The following DMTF1 variants were observed in gnomAD, a reference collection of about 807,000 sequenced individuals.
DMTF1 encodes the protein cyclin D binding myb like transcription factor 1.
In DMTF1, 39 loss-of-function variants were observed where a neutral mutation model predicts 91.1. The observed-to-expected ratio is 0.43, with a 90% CI of 0.33 to 0.56. The LOEUF (loss-of-function observed/expected upper bound fraction) is 0.56, where lower values mean the gene tolerates loss of function less well. Ranked by LOEUF, DMTF1 falls within the 20% of genes least tolerant of loss-of-function variation. DMTF1 has a pLI of 0.05. For synonymous variants in DMTF1, 338 were observed against 309.5 expected, an observed-to-expected ratio of 1.09 and a Z score of -0.97; for missense variants, 750 against 914.5, an observed-to-expected ratio of 0.82 and a Z score of 2.32.
At chr7:87,180,176 A>G (rs1055610926) in intron 8 of DMTF1, among the ~76,000 whole-genome samples, 3 of 152,186 alleles carry the variant, frequency 2.0e-5, no homozygotes, top group African/African-American at 4.8e-5. Context: ...AGATTCTTCA[A>G]ATGCAATGAT....
intron 5 of DMTF1, among the ~76,000 whole-genome samples, chr7:87,172,531 G>T (rs1489720006): frequency 1.3e-5 from 2 of 152,216 alleles, no homozygotes; most frequent in Non-Finnish European, 2.9e-5. Flanking sequence ...TTCCAAGAGA[G>T]ATGGGTTTCA....
In DMTF1 at chr7:87,171,647, A is replaced by G. The variant is rs145113204; in HGVS notation, c.327+558A>G. On this transcript the variant is annotated intron_variant, in intron 5 of 17. Transcript: ENST00000331242. The stretch of plus-strand genomic sequence containing the variant: ...TTTAATTTCTAAGCCTTATATATAC[A>G]TTATAGGCATGAAATCCTGCAACCA... 4.1e-3 allele frequency among the ~76,000 whole-genome samples: 624 copies of G among 152,316 alleles called. 3 individuals are homozygous for G. Among genetic ancestry groups the G allele is most frequent in the Non-Finnish European group, 6.3e-3 (428 of 68,018 alleles).
chr7:87,155,087 T>C (rs914433295), intron 1 of DMTF1, among the ~76,000 whole-genome samples: 7 of 152,228 alleles, frequency 4.6e-5, no homozygotes, highest in African/African-American at 1.4e-4. Flanking sequence ...CCTGTGAGGA[T>C]GAATGGGATA....
At chr7:87,155,685 A>G (rs1250760204) in intron 1 of DMTF1, 3 of 152,114 alleles carry the variant, frequency 2.0e-5, no homozygotes, top group African/African-American at 7.2e-5. Context: ...CTTTGATTCT[A>G]TAAAGGTAGA....
chr7:87,188,956 A>G (rs1799114193), intron 13 of DMTF1, among the ~76,000 whole-genome samples: 1 of 152,168 alleles, frequency 6.6e-6, no homozygotes, highest in Non-Finnish European at 1.5e-5. Context: ...TCAGAACCAT[A>G]TTCTTCCTTG....
intron 12 of DMTF1, 178 bp from the exon 13 acceptor site, chr7:87,187,914 A>C: frequency 1.7e-6 from 1 of 585,740 alleles, no homozygotes; most frequent in Non-Finnish European, 3.0e-6. Flanking sequence ...TACGATGTTT[A>C]TAAAAATCTC....
rs1795597547 is a variant in DMTF1 at position 87,173,632 on chromosome 7, A to T, written c.425A>T (p.Asp142Val). Residue 142 changes from aspartate (D) to valine (V), a missense_variant, in exon 6 of 18, where the codon GAT (aspartate) becomes GTT (valine). Physicochemically the swap from Asp to Val is radical, Grantham distance 152. This residue lies in a region of DMTF1 where 190 missense variants were observed against 343.8 expected (regional missense o/e 0.55). Transcript: ENST00000331242. ...TGGTTTACAACTAAAGAAGATAAGG[A>T]TTCTCTGACTAATAAAGGTAAGATA... ...QAWFTTKEDK[D>V]SLTNKGHKWK... The T allele has an allele frequency of 6.2e-7, 1 of 1,607,704 alleles. No individual in the cohort carries two copies. The highest frequency in any genetic ancestry group is 1.3e-5 in the African/African-American group (1 of 74,610).
rs888661245 is a variant in DMTF1, at chr7:87,188,313, A to G, written c.1411+12A>G. 2 of 1,613,282 alleles carry G rather than the reference A, an allele frequency of 1.2e-6. No homozygotes were observed. Among genetic ancestry groups the G allele is most frequent in the East Asian group, 4.5e-5 (2 of 44,868 alleles). The stretch of plus-strand genomic sequence containing the variant: ...GATCACCCATGTTTGTAAGTGTTTG[A>G]TCTTCAAGATTCCTTGCTGTTTGAT... On this transcript the variant is annotated intron_variant, in intron 13 of 17. Transcript: ENST00000331242.
chr7:87,170,116 G>A (rs1470838938), intron 4 of DMTF1, among the ~76,000 whole-genome samples: 1 of 151,958 alleles, frequency 6.6e-6, no homozygotes, highest in African/African-American at 2.4e-5. Flanking sequence ...CAGTAGTTTT[G>A]ATTTTTTTTA....
In DMTF1 at chr7:87,188,204, G is replaced by A. The variant is rs1374197048; in HGVS notation, c.1314G>A (p.Gln438=). 1.9e-6 allele frequency: 3 copies of A among 1,614,022 alleles called. No individual in the cohort carries two copies. The South Asian group carries it at 3.3e-5, about 18-fold the overall frequency. ...ACAGTAATACCAATTCCAGTGTGCA[G>A]CATGTTCAGATAAGAGTTGCCCGCT... is the stretch of plus-strand genomic sequence containing the variant. ...VPNSNTNSSV[Q]HVQIRVARLE... The change falls in exon 13 of 18, where the codon CAG becomes CAA. Residue 438 remains glutamine (Q), a synonymous_variant. Coordinates refer to ENST00000331242, the MANE Select transcript of DMTF1 (RefSeq NM_001142327.2).
Position 87,158,522 on chromosome 7 carries a change from A to T in DMTF1, c.-131-4973A>T, listed in dbSNP as rs183317038. Among the ~76,000 whole-genome samples the T allele has an allele frequency of 5.9e-5, 9 of 152,188 alleles. No individual in the cohort carries two copies. The East Asian group carries it at 1.7e-3, about 29-fold the overall frequency. ...TTCTAAAATTTATTCTTGAGTCATCAATGAGTTAAAACTTTAAGAGTTATA... is the reference window on the plus strand; with the variant it reads ...TTCTAAAATTTATTCTTGAGTCATCTATGAGTTAAAACTTTAAGAGTTATA... On this transcript the variant is annotated intron_variant, in intron 1 of 17. Coordinates refer to ENST00000331242, the MANE Select transcript of DMTF1 (RefSeq NM_001142327.2).
chr7:87,164,883 A>G, intron 2 of DMTF1, 51 bp from the exon 3 acceptor site: 3 of 1,093,370 alleles, frequency 2.7e-6, no homozygotes, highest in African/African-American at 1.6e-5. Flanking sequence ...GGAATACTTC[A>G]TATTTGGGAA....
intron 16 of DMTF1, 170 bp downstream of exon 16, chr7:87,194,272 C>G: frequency 1.5e-6 from 1 of 679,362 alleles, no homozygotes; most frequent in Non-Finnish European, 2.3e-6. Flanking sequence ...CTGTGGCAGT[C>G]AGGAAGAATA....
At position 87,194,621 on chromosome 7, in the gene DMTF1, C is replaced by A. The variant is rs555634777; in HGVS notation, c.2029-63C>A. ...TAAGTCTAACCTATACATACCTATACATGGGATTTTAAGGAAGACTAGTAA... is the reference window on the plus strand; with the variant it reads ...TAAGTCTAACCTATACATACCTATAAATGGGATTTTAAGGAAGACTAGTAA... On this transcript the variant is annotated intron_variant, in intron 16 of 17. Transcript: ENST00000331242. 1.4e-5 allele frequency: 17 copies of A among 1,256,666 alleles called. 1 individual carries two copies. The Admixed American group carries it at 3.0e-4, about 22-fold the overall frequency. 77.8% of individuals were successfully genotyped at this position (1,256,666 alleles called of 1,614,324 possible).
chr7:87,157,800 A>G (rs1032091182), intron 1 of DMTF1, among the ~76,000 whole-genome samples: 10 of 151,824 alleles, frequency 6.6e-5, no homozygotes, highest in African/African-American at 2.4e-4. Flanking sequence ...TAATGAAGAC[A>G]CAATAACTCC....
intron 1 of DMTF1, among the ~76,000 whole-genome samples, chr7:87,154,832 G>T (rs1379312466): frequency 6.6e-6 from 1 of 152,086 alleles, no homozygotes; most frequent in Non-Finnish European, 1.5e-5. Context: ...TGGGGAGATA[G>T]TGTATGTATT....
intron 4 of DMTF1, among the ~76,000 whole-genome samples, chr7:87,169,878 T>C (rs935779522): frequency 1.2e-4 from 18 of 152,216 alleles, no homozygotes; most frequent in African/African-American, 4.3e-4. Context: ...GTCCTTAGAC[T>C]GCTTCTTTGT....
intron 1 of DMTF1, among the ~76,000 whole-genome samples, chr7:87,156,616 T>C (rs1333402724): frequency 6.6e-6 from 1 of 152,174 alleles, no homozygotes; most frequent in South Asian, 2.1e-4. Context: ...TTTGTGCTTA[T>C]GAAGATGTTA....
intron 7 of DMTF1, among the ~76,000 whole-genome samples, chr7:87,176,395 T>A (rs908624151): frequency 6.6e-6 from 1 of 152,222 alleles, no homozygotes; most frequent in African/African-American, 2.4e-5. Context: ...TAATCAGTGC[T>A]AAGGAACACT....
Sources: gnomAD v4.1 joint callset for allele counts (sites outside exome capture counted in the v4.1 genomes callset) on GRCh38, gnomAD v4.1.1 for gene constraint, gnomAD v4.1.1 regional missense constraint, MANE v1.5 for transcripts, NCBI Gene and HGNC (gene_info 2026-07-23, HGNC 2026-07-21) for gene names.